RBFOX1: variants seen among roughly 807,000 people sequenced by gnomAD.
RBFOX1 encodes the protein RNA binding fox-1 homolog 1, also known as RNA binding protein fox-1 homolog 1.
RBFOX1 carries 8 observed loss-of-function variants against 57.7 expected under a neutral mutation model. The ratio of observed to expected loss-of-function variants is 0.14; its 90% CI spans 0.08 to 0.25. The LOEUF is 0.25. Ranked by LOEUF, RBFOX1 falls within the 10% of genes least tolerant of loss-of-function variation. RBFOX1 has a pLI of 1.00. For synonymous variants in RBFOX1, 326 were observed against 222.4 expected (o/e 1.47, Z -4.15); for missense variants, 611 against 548.5 (o/e 1.11, Z -1.14).
At chr16:6,636,548 G>C (rs2098435460) in intron 2 of RBFOX1, among the ~76,000 whole-genome samples, 1 of 151,690 alleles carries the variant, frequency 6.6e-6, no homozygotes, top group South Asian at 2.1e-4. Context: ...AATTACTGTA[G>C]CACATATCAG....
chr16:6,242,571 T>G lies in RBFOX1; in HGVS notation c.-126-74424T>G, dbSNP rs374970547. Among the ~76,000 whole-genome samples the G allele has an allele frequency of 2.2e-4, 33 of 151,244 alleles. No homozygotes were observed. The East Asian group carries it at 4.3e-3, about 20-fold the overall frequency. ...TACTGTATGAGTCCATCATCACTTA[T>G]GCAACTCTCTGCTTGTTAGGCATTT... On this transcript the variant is annotated intron_variant, in intron 1 of 15. Transcript: ENST00000550418.
chr16:6,355,041 A>G (rs2087042338), intron 2 of RBFOX1, among the ~76,000 whole-genome samples: 1 of 152,166 alleles, frequency 6.6e-6, no homozygotes, highest in Admixed American at 6.5e-5. Flanking sequence ...CCCAGTAGCA[A>G]AGAACACACT....
At chr16:7,658,384 G>C (rs1377047261) in intron 12 of RBFOX1, among the ~76,000 whole-genome samples, 1 of 152,110 alleles carries the variant, frequency 6.6e-6, no homozygotes, top group Non-Finnish European at 1.5e-5. Context: ...ATTGAGTAGG[G>C]AACAGTCACA....
At chr16:5,405,762 T>G (rs1455249259) in intron 1 of RBFOX1, among the ~76,000 whole-genome samples, 1 of 152,172 alleles carries the variant, frequency 6.6e-6, no homozygotes, top group African/African-American at 2.4e-5. Context: ...TCCCTTTCCC[T>G]TGGCCAGTGA....
At chr16:6,106,493 C>G (rs1370821667) in intron 1 of RBFOX1, among the ~76,000 whole-genome samples, 2 of 137,256 alleles carry the variant, frequency 1.5e-5, no homozygotes, top group African/African-American at 5.5e-5. Context: ...AAAGGTAGTT[C>G]CATGCTCTTA....
chr16:6,624,762 T>G (rs768359106), intron 2 of RBFOX1, among the ~76,000 whole-genome samples: 2 of 152,218 alleles, frequency 1.3e-5, no homozygotes, highest in African/African-American at 4.8e-5. Context: ...GCTGTTCTTA[T>G]GTCAAGTCAG....
intron 4 of RBFOX1, among the ~76,000 whole-genome samples, chr16:5,965,367 C>A (rs1413795026): frequency 1.3e-5 from 2 of 152,134 alleles, no homozygotes; most frequent in Non-Finnish European, 2.9e-5. Context: ...ATGGTAATCA[C>A]TTCAAAATGT....
intron 1 of RBFOX1, among the ~76,000 whole-genome samples, chr16:5,445,471 G>A (rs996007342): frequency 9.9e-5 from 15 of 152,186 alleles, no homozygotes; most frequent in Admixed American, 9.8e-4. Context: ...TATAGTAGGT[G>A]ATATTTGTTG....
At chr16:7,153,505 G>A (rs892361457) in intron 4 of RBFOX1, among the ~76,000 whole-genome samples, 2 of 151,844 alleles carry the variant, frequency 1.3e-5, no homozygotes, top group African/African-American at 2.4e-5. Flanking sequence ...GGGAGGCTGC[G>A]GCAAGTGAAT....
chr16:7,638,265 G>C (rs1597074366), intron 11 of RBFOX1, among the ~76,000 whole-genome samples: 1 of 152,162 alleles, frequency 6.6e-6, no homozygotes, highest in East Asian at 1.9e-4. Context: ...TTCTTAAGAA[G>C]GAACTATAGG....
chr16:6,832,431 A>G (rs2092773628), intron 3 of RBFOX1, among the ~76,000 whole-genome samples: 1 of 152,200 alleles, frequency 6.6e-6, no homozygotes, highest in African/African-American at 2.4e-5. Context: ...CATTACTCAT[A>G]TTTGCGATGA....
intron 2 of RBFOX1, among the ~76,000 whole-genome samples, chr16:6,614,295 T>G (rs1181075047): frequency 6.6e-6 from 1 of 152,180 alleles, no homozygotes; most frequent in Non-Finnish European, 1.5e-5. Flanking sequence ...TTCTGAGTCT[T>G]ACACTGGATG....
intron 4 of RBFOX1, among the ~76,000 whole-genome samples, chr16:7,398,679 G>C (rs1020852664): frequency 2.0e-5 from 3 of 152,204 alleles, no homozygotes; most frequent in Middle Eastern, 3.2e-3. Context: ...TTATTGATGT[G>C]ATGGGCTATG....
chr16:6,451,567 G>C (rs1166348231), intron 2 of RBFOX1, among the ~76,000 whole-genome samples: 2 of 152,082 alleles, frequency 1.3e-5, no homozygotes, highest in East Asian at 3.9e-4. Flanking sequence ...TGTTTTGTAG[G>C]TATTACCACC....
chr16:7,620,999 C>G (rs1003234548), intron 10 of RBFOX1, among the ~76,000 whole-genome samples: 1 of 152,106 alleles, frequency 6.6e-6, no homozygotes, highest in Admixed American at 6.6e-5. Flanking sequence ...TCAGCACCAT[C>G]TGCATCCCCT....
intron 3 of RBFOX1, among the ~76,000 whole-genome samples, chr16:6,900,896 C>G (rs1185256617): frequency 1.3e-5 from 2 of 152,162 alleles, no homozygotes; most frequent in African/African-American, 2.4e-5. Flanking sequence ...TTGTGAACTG[C>G]TAGATCCCCA....
intron 2 of RBFOX1, among the ~76,000 whole-genome samples, chr16:6,339,335 G>T (rs2084198819): frequency 1.3e-5 from 2 of 152,180 alleles, no homozygotes; most frequent in Non-Finnish European, 1.5e-5. Flanking sequence ...TAGGTTTGTT[G>T]CCTGATGTGT....
In RBFOX1 at chr16:6,485,751, A is replaced by G. The variant is rs192798387; in HGVS notation, c.-64+168694A>G. Among the ~76,000 whole-genome samples, 7 of 152,328 alleles carry G rather than the reference A, an allele frequency of 4.6e-5. No homozygotes were observed. The East Asian group carries it at 1.3e-3, about 29-fold the overall frequency. On this transcript the variant is annotated intron_variant, in intron 2 of 15. Transcript: ENST00000550418. The stretch of plus-strand genomic sequence containing the variant: ...CCAAATTGAGGGTTTATACGAAAGT[A>G]CTTTCTGTCTCATGACTTTATTGGA...
intron 3 of RBFOX1, among the ~76,000 whole-genome samples, chr16:5,753,465 A>G (rs1201430620): frequency 1.3e-5 from 2 of 152,170 alleles, no homozygotes; most frequent in South Asian, 2.1e-4. Context: ...CCGTTTCCAT[A>G]TGGTAGACAG....
Sources: allele counts gnomAD v4.1 joint callset (sites outside exome capture counted in the v4.1 genomes callset), GRCh38; gene constraint gnomAD v4.1.1; transcripts MANE v1.5; gene names NCBI Gene and HGNC (gene_info 2026-07-23, HGNC 2026-07-21).